RPS6KA5: variants seen among roughly 807,000 people sequenced by gnomAD.
RPS6KA5 encodes ribosomal protein S6 kinase A5.
A neutral mutation model predicts 85.5 loss-of-function variants in RPS6KA5; 27 were observed. The ratio of observed to expected loss-of-function variants is 0.32; its 90% CI spans 0.23 to 0.44. The LOEUF is 0.44. Ranked by LOEUF, RPS6KA5 falls within the 20% of genes least tolerant of loss-of-function variation. RPS6KA5 has a pLI of 1.00. For synonymous variants in RPS6KA5, 334 were observed against 348.2 expected, an observed-to-expected ratio of 0.96 and a Z score of 0.46; for missense variants, 811 against 980.9, an observed-to-expected ratio of 0.83 and a Z score of 2.31.
chr14:91,049,411 G>A (rs2042982650), intron 1 of RPS6KA5, among the ~76,000 whole-genome samples: 2 of 152,058 alleles, frequency 1.3e-5, no homozygotes, highest in Non-Finnish European at 2.9e-5. Flanking sequence ...TCAGGAGATT[G>A]AGACCATCCT....
rs569614145 is a variant in RPS6KA5, at chr14:90,865,094, C to T, written c.*6980G>A. Reference sequence around the variant, plus strand: ...TTTTTGAGACAGGGTCTCACTCTATCGCCCAGGATGGAATGTAGTGGTGCG... The same window carrying T: ...TTTTTGAGACAGGGTCTCACTCTATTGCCCAGGATGGAATGTAGTGGTGCG... On this transcript the variant is annotated 3_prime_UTR_variant, in exon 17 of 17. Transcript: ENST00000614987. The T allele has an allele frequency of 7.2e-5, 11 of 152,276 alleles. No individual in the cohort carries two copies. In the East Asian group the frequency reaches 9.6e-4, roughly 13 times the overall value. The allele number at this position is 152,276 out of a possible 1,614,324, so 9.4% of individuals were successfully genotyped here. A position where few individuals can be genotyped will look rare whatever the true frequency, so the allele number is the denominator to read the frequency against.
chr14:91,029,317 T>C (rs757856853), intron 1 of RPS6KA5, among the ~76,000 whole-genome samples: 26 of 152,198 alleles, frequency 1.7e-4, no homozygotes, highest in Non-Finnish European at 3.2e-4. Context: ...AGCTTACACT[T>C]TACTAAACTG....
intron 6 of RPS6KA5, among the ~76,000 whole-genome samples, chr14:90,921,251 CA>C (rs2036388087): frequency 6.6e-6 from 1 of 152,126 alleles, no homozygotes; most frequent in Admixed American, 6.6e-5. Flanking sequence ...ACATACAAAA[CA>C]CATCAGGCAG....
intron 3 of RPS6KA5, among the ~76,000 whole-genome samples, chr14:90,952,002 C>T (rs752237016): frequency 4.6e-5 from 7 of 152,114 alleles, no homozygotes; most frequent in Non-Finnish European, 2.9e-5. Flanking sequence ...TATGGGACTT[C>T]AATTGGCATT....
rs935808336 is a variant in RPS6KA5, at chr14:90,870,696, T to C, written c.*1378A>G. Reference sequence around the variant, plus strand: ...TATAAAATAAACATGTTGGGCATTATCTCTTTAAGCATGATTCCTGTAAAC... The same window carrying C: ...TATAAAATAAACATGTTGGGCATTACCTCTTTAAGCATGATTCCTGTAAAC... On this transcript the variant is annotated 3_prime_UTR_variant, in exon 17 of 17. Transcript: ENST00000614987. 1 of 152,292 alleles carries C rather than the reference T, an allele frequency of 6.6e-6. No homozygotes were observed. The highest frequency in any genetic ancestry group is 1.5e-5 in the Non-Finnish European group (1 of 67,970). The allele number at this position is 152,292 out of a possible 1,614,324, so 9.4% of individuals were successfully genotyped here. A position where few individuals can be genotyped will look rare whatever the true frequency, so the allele number is the denominator to read the frequency against.
In RPS6KA5 at chr14:90,852,690, C is replaced by CA. The variant is rs1376711867; in HGVS notation, c.*19383dup. ...CACATTAAAAGTATTTGTCTTTAAA[C>CA]AAAAATAAATTCCAGTTAGCCTTTG... On this transcript the variant is annotated 3_prime_UTR_variant, in exon 17 of 17. Coordinates refer to ENST00000614987, the MANE Select transcript of RPS6KA5 (RefSeq NM_004755.4). 2 of 142,794 alleles carry CA rather than the reference C, an allele frequency of 1.4e-5. No individual in the cohort carries two copies. Among genetic ancestry groups the CA allele is most frequent in the Non-Finnish European group, 3.1e-5 (2 of 65,090 alleles). The allele number at this position is 142,794 out of a possible 1,614,324, so 8.8% of individuals were successfully genotyped here. A position where few individuals can be genotyped will look rare whatever the true frequency, so the allele number is the denominator to read the frequency against.
At chr14:90,946,554 T>C (rs982195863) in intron 4 of RPS6KA5, among the ~76,000 whole-genome samples, 1 of 152,172 alleles carries the variant, frequency 6.6e-6, no homozygotes, top group Non-Finnish European at 1.5e-5. Context: ...ATCCTTCCTT[T>C]TCCCTTCAAT....
At chr14:91,023,679 C>T (rs532710750) in intron 1 of RPS6KA5, among the ~76,000 whole-genome samples, 1 of 138,496 alleles carries the variant, frequency 7.2e-6, no homozygotes, top group East Asian at 2.2e-4. Flanking sequence ...TAAAAAAAAA[C>T]CACCAACACA....
chr14:90,950,631 CT>C (rs1397094166), intron 3 of RPS6KA5, among the ~76,000 whole-genome samples: 1 of 152,160 alleles, frequency 6.6e-6, no homozygotes, highest in Non-Finnish European at 1.5e-5. Context: ...TTTTCTACAT[CT>C]GTTGGGAGGA....
chr14:91,060,441 CT>C lies in RPS6KA5; in HGVS notation c.-8del, dbSNP rs746069075. On this transcript the variant is annotated 5_prime_UTR_variant, in exon 1 of 17. Coordinates refer to ENST00000614987, the MANE Select transcript of RPS6KA5 (RefSeq NM_004755.4). Reference sequence around the variant, plus strand: ...TGCCACCCTCCTCCTCCATCTTCTCCTTTTTTTCCGATCCCGCGGGTCGCTA... The same window carrying C: ...TGCCACCCTCCTCCTCCATCTTCTCCTTTTTTCCGATCCCGCGGGTCGCTA... 7.2e-5 allele frequency: 106 copies of C among 1,462,298 alleles called. No individual in the cohort carries two copies. The highest frequency in any genetic ancestry group is 1.8e-4 in the Admixed American group (8 of 44,690). 90.6% of individuals were successfully genotyped at this position (1,462,298 alleles called of 1,614,324 possible). A position where few individuals can be genotyped will look rare whatever the true frequency, so the allele number is the denominator to read the frequency against.
intron 1 of RPS6KA5, among the ~76,000 whole-genome samples, chr14:91,020,996 T>C (rs1377613368): frequency 6.6e-6 from 1 of 152,174 alleles, no homozygotes; most frequent in South Asian, 2.1e-4. Context: ...AGTCTGTCCC[T>C]CATTAATGAC....
chr14:91,059,237 G>C (rs2043499586), intron 1 of RPS6KA5, among the ~76,000 whole-genome samples: 2 of 148,100 alleles, frequency 1.4e-5, no homozygotes, highest in Non-Finnish European at 3.0e-5. Context: ...CTACTCCGGA[G>C]GCTGAGGCAG....
chr14:90,985,084 C>T (rs544498119), intron 2 of RPS6KA5, among the ~76,000 whole-genome samples: 9 of 151,910 alleles, frequency 5.9e-5, no homozygotes, highest in South Asian at 4.2e-4. Flanking sequence ...GGGATTACAA[C>T]GCATGCGCCA....
rs1257268573 is a variant in RPS6KA5, at chr14:90,871,286, TATAAA to T, written c.*783_*787del. 2 of 152,620 alleles carry T rather than the reference TATAAA, an allele frequency of 1.3e-5. No individual in the cohort carries two copies. The highest frequency in any genetic ancestry group is 1.3e-4 in the Admixed American group (2 of 15,294). 9.5% of individuals were successfully genotyped at this position (152,620 alleles called of 1,614,324 possible). ...TGCAAATGCTTTAAACAGTGCACTT[TATAAA>T]ATAGTTTGCTTTATTCATACTTTTT... On this transcript the variant is annotated 3_prime_UTR_variant, in exon 17 of 17. Coordinates refer to ENST00000614987, the MANE Select transcript of RPS6KA5 (RefSeq NM_004755.4).
intron 1 of RPS6KA5, among the ~76,000 whole-genome samples, chr14:91,032,558 T>C (rs2042226332): frequency 6.6e-6 from 1 of 152,044 alleles, no homozygotes; most frequent in South Asian, 2.1e-4. Context: ...ACAGCCAAAA[T>C]GTGGTGCTGC....
chr14:90,851,022 G>A lies in RPS6KA5; in HGVS notation c.*21052C>T, dbSNP rs1023967445. The A allele has an allele frequency of 6.6e-6, 1 of 152,082 alleles. No homozygotes were observed. Among genetic ancestry groups the A allele is most frequent in the Non-Finnish European group, 1.5e-5 (1 of 68,018 alleles). 9.4% of individuals were successfully genotyped at this position (152,082 alleles called of 1,614,324 possible). On this transcript the variant is annotated 3_prime_UTR_variant, in exon 17 of 17. Transcript: ENST00000614987. ...GCTAGTCAATATTCACTACAGAGAA[G>A]TGGGTAAAGATACTTTTATTTTATT...
At chr14:90,919,301 CAAAG>C (rs969604778) in intron 7 of RPS6KA5, among the ~76,000 whole-genome samples, 2 of 152,186 alleles carry the variant, frequency 1.3e-5, no homozygotes, top group African/African-American at 4.8e-5. Flanking sequence ...TTCCGCCTCT[CAAAG>C]AACACTGTCC....
intron 9 of RPS6KA5, 23 bp from the exon 10 acceptor site, chr14:90,900,759 T>TA: frequency 6.3e-7 from 1 of 1,586,564 alleles, no homozygotes; most frequent in Non-Finnish European, 8.6e-7. Flanking sequence ...CAAAGAAAGA[T>TA]AAAGAAAAAC....
chr14:90,969,256 G>A (rs774392591), intron 3 of RPS6KA5, among the ~76,000 whole-genome samples: 3 of 152,120 alleles, frequency 2.0e-5, no homozygotes, highest in Non-Finnish European at 4.4e-5. Context: ...TGGAATTAAC[G>A]TTAGGGTAAA....
Sources: gnomAD v4.1 joint callset for allele counts (sites outside exome capture counted in the v4.1 genomes callset) on GRCh38, gnomAD v4.1.1 for gene constraint, MANE v1.5 for transcripts, NCBI Gene and HGNC (gene_info 2026-07-23, HGNC 2026-07-21) for gene names.